Variants in TTN observed in about 807,000 individuals in gnomAD.
The protein encoded by TTN is titin.
TTN carries 1,525 observed loss-of-function variants against 3,223.0 expected under a neutral mutation model. The ratio of observed to expected loss-of-function variants is 0.47; its 90% CI spans 0.45 to 0.49. The LOEUF is 0.49. TTN is among the 20% of genes least tolerant of loss of function. TTN has a pLI of 0.00. For missense variants in TTN, 40,786 were observed against 43,424.0 expected, an observed-to-expected ratio of 0.94 and a Z score of 5.40; for synonymous variants, 14,094 against 15,161.0, an observed-to-expected ratio of 0.93 and a Z score of 5.17.
In TTN at chr2:178,527,073, C is replaced by T; in HGVS notation, c.107915G>A (p.Ser35972Asn). The change falls in exon 363 of 363, where the codon AGT (serine) becomes AAT (asparagine). Residue 35972 changes from serine (S) to asparagine (N), a missense_variant. Coordinates refer to ENST00000589042, the MANE Select transcript of TTN (RefSeq NM_001267550.2). ...GTCAGATCCAAATTCATTCCCTAAA[C>T]TCAGGGTATAAAGTCCACCATCTTG... ...QKQDGGLYTLSLGNEFGSDSA... is the reference protein window; with the variant it reads ...QKQDGGLYTLNLGNEFGSDSA... The T allele has an allele frequency of 6.2e-7, 1 of 1,613,882 alleles. No individual in the cohort carries two copies. Among genetic ancestry groups the T allele is most frequent in the Non-Finnish European group, 8.5e-7 (1 of 1,179,842 alleles).
chr2:178,694,045 T>G, intron 117 of TTN, 37 bp from the exon 118 acceptor site: 1 of 1,516,972 alleles, frequency 6.6e-7, no homozygotes, highest in Non-Finnish European at 9.1e-7. Context: ...ATTCCTTTTT[T>G]TTAGTACAAG....
At chr2:178,700,836 T>G (rs1021431762) in intron 111 of TTN, among the ~76,000 whole-genome samples, 17 of 152,156 alleles carry the variant, frequency 1.1e-4, no homozygotes, top group African/African-American at 1.7e-4. Flanking sequence ...ACATAGTAGT[T>G]AGGAAAATAT....
chr2:178,585,556 C>G (rs1213153867), intron 308 of TTN, among the ~76,000 whole-genome samples: 1 of 152,016 alleles, frequency 6.6e-6, no homozygotes, highest in Non-Finnish European at 1.5e-5. Flanking sequence ...AACACATCGT[C>G]TACATTAGGT....
At chr2:178,669,253 TG>T in intron 159 of TTN, 119 bp downstream of exon 159, 1 of 725,040 alleles carries the variant, frequency 1.4e-6, no homozygotes, top group Non-Finnish European at 2.2e-6. Context: ...CATATATTTG[TG>T]GCATGTTAGG....
Position 178,536,578 on chromosome 2 carries a change from A to G in TTN, c.100172-3T>C, listed in dbSNP as rs1312922352. The G allele has an allele frequency of 2.0e-6, 3 of 1,490,688 alleles. No homozygotes were observed. The highest frequency in any genetic ancestry group is 1.5e-5 in the South Asian group (1 of 68,662). The allele number at this position is 1,490,688 out of a possible 1,614,324, so 92.3% of individuals were successfully genotyped here. On this transcript the variant is annotated splice_polypyrimidine_tract_variant and splice_region_variant and intron_variant, in intron 356 of 362. Transcript: ENST00000589042. The stretch of plus-strand genomic sequence containing the variant: ...TTTGCCAGGAGCACCTGGCTTTTCT[A>G]TTAAACAAAAAAAAGATTTGAGTCA...
At chr2:178,690,152 T>C (rs933158034) in intron 121 of TTN, among the ~76,000 whole-genome samples, 4 of 152,228 alleles carry the variant, frequency 2.6e-5, no homozygotes, top group Non-Finnish European at 2.9e-5. Context: ...TCATCCTTTA[T>C]ATATTGTATG....
At position 178,553,173 on chromosome 2, in the gene TTN, T is replaced by C. The variant is rs1489769852; in HGVS notation, c.89727A>G (p.Lys29909=). The C allele has an allele frequency of 6.2e-6, 10 of 1,613,652 alleles. No homozygotes were observed. In the African/African-American group the frequency reaches 8.0e-5, roughly 13 times the overall value. ...IPQVTRNDTG[K]YILTIENGVG... The stretch of plus-strand genomic sequence containing the variant: ...CTCCATTTTCTATTGTGAGAATATA[T>C]TTTCCTGTATCATTGCGAGTAACTT... The change falls in exon 335 of 363, where the codon AAA becomes AAG. Residue 29909 remains lysine, a synonymous_variant. Transcript: ENST00000589042.
In TTN at chr2:178,714,005, A is replaced by C. The variant is rs2077087035; in HGVS notation, c.26653T>G (p.Ser8885Ala). ...GCTACATTGATGATCTTAAGGCCGGATACTTTGTTGAAGAAGCTTATTTTG... is the reference window on the plus strand; with the variant it reads ...GCTACATTGATGATCTTAAGGCCGGCTACTTTGTTGAAGAAGCTTATTTTG... The part of the protein sequence containing the change: ...KYKISFFNKV[S>A]GLKIINVAPS... Residue 8885 changes from serine to alanine, a missense_variant, in exon 92 of 363, where the codon TCC becomes GCC. Physicochemically the swap from Ser to Ala is moderately conservative, Grantham distance 99 (BLOSUM62 1). Transcript: ENST00000589042. The C allele has an allele frequency of 1.9e-6, 3 of 1,613,510 alleles. No individual in the cohort carries two copies. Among genetic ancestry groups the C allele is most frequent in the Non-Finnish European group, 2.5e-6 (3 of 1,179,700 alleles).
At chr2:178,527,332 AG>A (rs763348269) in intron 362 of TTN, 25 bp from the exon 363 acceptor site, 9 of 1,569,876 alleles carry the variant, frequency 5.7e-6, no homozygotes, top group Admixed American at 1.9e-5. Context: ...GACAAAAAAA[AG>A]GTCTTAGAAT....
At chr2:178,527,817 C>T in intron 361 of TTN, 69 bp from the exon 362 acceptor site, 2 of 1,437,620 alleles carry the variant, frequency 1.4e-6, no homozygotes, top group Non-Finnish European at 1.9e-6. Flanking sequence ...ATGACGCTGA[C>T]TTACAGAAAT....
chr2:178,637,344 C>T, intron 224 of TTN, 25 bp downstream of exon 224: 1 of 1,439,118 alleles, frequency 6.9e-7, no homozygotes, highest in Non-Finnish European at 9.1e-7. Context: ...GGTTACAATG[C>T]AAGTACTAGA....
chr2:178,560,771 G>A lies in TTN; in HGVS notation c.85361C>T (p.Pro28454Leu), dbSNP rs747983822. The A allele has an allele frequency of 1.2e-6, 2 of 1,613,632 alleles. No individual in the cohort carries two copies. Among genetic ancestry groups the A allele is most frequent in the African/African-American group, 2.7e-5 (2 of 74,924 alleles). ...GCCATTTATTTCAAGTGGTCCTGCT[G>A]GTGGACCAGGCTTATCAAGTACTTT... is the stretch of plus-strand genomic sequence containing the variant. ...NCKVLDKPGP[P>L]AGPLEINGLT... Residue 28454 changes from proline to leucine, a missense_variant, in exon 326 of 363, where the codon CCA becomes CTA. Transcript: ENST00000589042.
intron 161 of TTN, 41 bp downstream of exon 161, chr2:178,667,401 G>A (rs1041235713): frequency 6.3e-7 from 1 of 1,578,182 alleles, no homozygotes; most frequent in Non-Finnish European, 8.6e-7. Context: ...GAGTCATAAA[G>A]CTAAAGATAC....
Position 178,574,513 on chromosome 2 carries a change from C to A in TTN, c.71619G>T (p.Trp23873Cys). 1 of 1,613,540 alleles carries A rather than the reference C, an allele frequency of 6.2e-7. No homozygotes were observed. The highest frequency in any genetic ancestry group is 8.5e-7 in the Non-Finnish European group (1 of 1,179,604). Reference protein sequence around the residue: ...VERKERNGILWQTVSKALVPG... With the variant: ...VERKERNGILCQTVSKALVPG... ...GTACTAAAGCTTTGCTCACAGTCTG[C>A]CAGAGAATACCATTTCGTTCTTTTC... The change falls in exon 326 of 363, where the codon TGG becomes TGT. Residue 23873 changes from tryptophan (W) to cysteine (C), a missense_variant. Transcript: ENST00000589042.
chr2:178,571,477 A>G lies in TTN; in HGVS notation c.74655T>C (p.Ala24885=), dbSNP rs1060503930. Reference sequence around the variant, plus strand: ...AGGTACTCTTCCCATATCTGTTTTCAGCTGCAATTCTAAACTGATATTCAC... The same window carrying G: ...AGGTACTCTTCCCATATCTGTTTTCGGCTGCAATTCTAAACTGATATTCAC... The part of the protein sequence containing the change: ...TGCEYQFRIA[A]ENRYGKSTYL... Residue 24885 remains alanine, a synonymous_variant, in exon 326 of 363, where the codon GCT becomes GCC. Transcript: ENST00000589042. The G allele has an allele frequency of 6.2e-7, 1 of 1,613,400 alleles. No homozygotes were observed. The highest frequency in any genetic ancestry group is 8.5e-7 in the Non-Finnish European group (1 of 1,179,602).
intron 13 of TTN, 141 bp from the exon 14 acceptor site, chr2:178,786,282 T>C (rs904801511): frequency 2.4e-6 from 2 of 838,904 alleles, no homozygotes; most frequent in Non-Finnish European, 3.8e-6. Context: ...GAAACACTTT[T>C]AGGGACTATT....
chr2:178,779,501 C>T (rs1040887716), intron 22 of TTN, 39 bp from the exon 23 acceptor site: 5 of 1,228,888 alleles, frequency 4.1e-6, no homozygotes, highest in Non-Finnish European at 5.9e-6. Context: ...AATACATATC[C>T]TTACTGATAT....
chr2:178,617,621 T>A, intron 253 of TTN, 109 bp from the exon 254 acceptor site: 2 of 952,760 alleles, frequency 2.1e-6, no homozygotes, highest in East Asian at 2.6e-5. Flanking sequence ...TCAAATTCAC[T>A]AAGTAAAGTA....
At chr2:178,647,261 G>T in intron 214 of TTN, 117 bp from the exon 215 acceptor site, 1 of 1,256,054 alleles carries the variant, frequency 8.0e-7, no homozygotes, top group South Asian at 1.5e-5. Context: ...TTATTCAGAT[G>T]ACCCCCCAAA....
Sources: gnomAD v4.1 joint callset for allele counts (sites outside exome capture counted in the v4.1 genomes callset) on GRCh38, gnomAD v4.1.1 for gene constraint, MANE v1.5 for transcripts, NCBI Gene and HGNC (gene_info 2026-07-23, HGNC 2026-07-21) for gene names.